Variants in FAM184A observed in about 807,000 individuals in gnomAD.
The protein encoded by FAM184A is protein FAM184A.
A neutral mutation model predicts 143.8 loss-of-function variants in FAM184A; 99 were observed. The observed-to-expected ratio is 0.69, with a 90% CI of 0.58 to 0.81. The LOEUF (loss-of-function observed/expected upper bound fraction) is 0.81. FAM184A is among the 40% of genes least tolerant of loss of function. The pLI is 0.00. For synonymous variants in FAM184A, 427 were observed against 446.4 expected (o/e 0.96, Z 0.55); for missense variants, 1,217 against 1,310.5 (o/e 0.93, Z 1.10).
rs772124829 is a variant in FAM184A at position 119,002,995 on chromosome 6, C to T, written c.1992G>A (p.Lys664=). 3 of 1,612,844 alleles carry T rather than the reference C, an allele frequency of 1.9e-6. No homozygotes were observed. The highest frequency in any genetic ancestry group is 2.5e-6 in the Non-Finnish European group (3 of 1,179,538). ...GCAAAAGTTGAGACATTGCTGACTTCTTATCCTCTTCATGTTGAAGCCTTA... is the reference window on the plus strand; with the variant it reads ...GCAAAAGTTGAGACATTGCTGACTTTTTATCCTCTTCATGTTGAAGCCTTA... ...EELRLQHEED[K]KSAMSQLLQL... is the part of the protein sequence containing the mutation. The change falls in exon 9 of 18, where the codon AAG becomes AAA. Residue 664 remains lysine (K), a synonymous_variant. Coordinates refer to ENST00000338891, the MANE Select transcript of FAM184A (RefSeq NM_024581.6).
chr6:119,016,669 G>A (rs1341482554), intron 5 of FAM184A, 78 bp downstream of exon 5: 2 of 1,285,456 alleles, frequency 1.6e-6, no homozygotes, highest in East Asian at 2.4e-5. Flanking sequence ...GTGAGACCAA[G>A]AACCCACCAA....
intron 1 of FAM184A, among the ~76,000 whole-genome samples, chr6:119,050,439 A>G (rs1470370953): frequency 2.1e-5 from 3 of 142,240 alleles, no homozygotes; most frequent in Non-Finnish European, 4.5e-5. Context: ...AGTGCCCATT[A>G]ATGACAGATT....
At chr6:119,142,119 C>T (rs1279577597) in intron 1 of FAM184A, among the ~76,000 whole-genome samples, 1 of 152,192 alleles carries the variant, frequency 6.6e-6, no homozygotes, top group Non-Finnish European at 1.5e-5. Flanking sequence ...CCCATCCCTG[C>T]TCCCAGCAAA....
intron 1 of FAM184A, among the ~76,000 whole-genome samples, chr6:119,107,431 A>G (rs1788814685): frequency 6.6e-6 from 1 of 152,328 alleles, no homozygotes; most frequent in African/African-American, 2.4e-5. Context: ...AGGAGCTTTT[A>G]TTAGCAAAAA....
intron 9 of FAM184A, among the ~76,000 whole-genome samples, chr6:118,988,041 A>C (rs1348481863): frequency 6.6e-6 from 1 of 152,220 alleles, no homozygotes; most frequent in African/African-American, 2.4e-5. Flanking sequence ...AAAGTGCAAC[A>C]TGCCCTTGTG....
At chr6:118,993,183 T>G (rs1402844145) in intron 9 of FAM184A, among the ~76,000 whole-genome samples, 1 of 152,226 alleles carries the variant, frequency 6.6e-6, no homozygotes, top group Non-Finnish European at 1.5e-5. Flanking sequence ...TTTTTGAGAT[T>G]CATGAAAAGA....
intron 1 of FAM184A, among the ~76,000 whole-genome samples, chr6:119,070,235 G>T (rs983231314): frequency 2.0e-5 from 3 of 152,122 alleles, no homozygotes; most frequent in African/African-American, 7.2e-5. Flanking sequence ...CATTCTCGTT[G>T]AAGTTTTGGT....
Position 119,016,657 on chromosome 6 carries a change from CAGTG to C in FAM184A, c.1530+86_1530+89del, listed in dbSNP as rs1170767424. On this transcript the variant is annotated intron_variant, in intron 5 of 17. Coordinates refer to ENST00000338891, the MANE Select transcript of FAM184A (RefSeq NM_024581.6). The stretch of plus-strand genomic sequence containing the variant: ...GGGTCCGTGGGTTTATTCTTGAAGT[CAGTG>C]AGACCAAGAACCCACCAATTCCGGA... 3 of 1,120,444 alleles carry C rather than the reference CAGTG, an allele frequency of 2.7e-6. No homozygotes were observed. The Admixed American group carries it at 5.9e-5, about 22-fold the overall frequency. The allele number at this position is 1,120,444 out of a possible 1,614,324, so 69.4% of individuals were successfully genotyped here.
At chr6:118,985,474 C>T (rs943195352) in intron 9 of FAM184A, among the ~76,000 whole-genome samples, 1 of 152,158 alleles carries the variant, frequency 6.6e-6, no homozygotes, top group Non-Finnish European at 1.5e-5. Context: ...GAGGGGCCAG[C>T]CAGTTTGTGT....
At chr6:119,148,227 G>A (rs1398779111) in intron 1 of FAM184A, among the ~76,000 whole-genome samples, 1 of 152,144 alleles carries the variant, frequency 6.6e-6, no homozygotes, top group Admixed American at 6.5e-5. Flanking sequence ...GCCCAGGCAG[G>A]GCTTGGCTGG....
chr6:119,020,256 G>T, intron 3 of FAM184A, 97 bp from the exon 4 acceptor site: 2 of 951,544 alleles, frequency 2.1e-6, no homozygotes, highest in Admixed American at 3.8e-5. Flanking sequence ...TTATACTTAA[G>T]TAAAATAAAT....
At chr6:118,976,659 A>C (rs979051367) in intron 11 of FAM184A, among the ~76,000 whole-genome samples, 2 of 143,520 alleles carry the variant, frequency 1.4e-5, no homozygotes, top group Non-Finnish European at 3.2e-5. Context: ...GTGAGACTCC[A>C]TCTCAAAAAA....
In FAM184A at chr6:119,084,157, C is replaced by T. The variant is rs147838819; in HGVS notation, c.-201-59344G>A. Among the ~76,000 whole-genome samples, 126 of 152,200 alleles carry T rather than the reference C, an allele frequency of 8.3e-4. 1 individual carries two copies. Among genetic ancestry groups the T allele is most frequent in the Non-Finnish European group, 1.2e-3 (83 of 68,008 alleles). On this transcript the variant is annotated intron_variant, in intron 1 of 16. Coordinates refer to the FAM184A transcript ENST00000352896. Reference sequence around the variant, plus strand: ...CCATCAGATCTCATGAGAACTCACTCGCTATCATGAGAATAGCATGGGAGA... The same window carrying T: ...CCATCAGATCTCATGAGAACTCACTTGCTATCATGAGAATAGCATGGGAGA...
At chr6:119,069,047 A>T (rs1787582739) in intron 1 of FAM184A, 1 of 389,430 alleles carries the variant, frequency 2.6e-6, no homozygotes, top group African/African-American at 2.2e-5. Context: ...AATATATGTG[A>T]AGTATTAGGT....
At chr6:119,040,399 T>G (rs770826010) in intron 1 of FAM184A, among the ~76,000 whole-genome samples, 2 of 152,192 alleles carry the variant, frequency 1.3e-5, no homozygotes, top group Admixed American at 6.5e-5. Flanking sequence ...GCTTTTCCTC[T>G]CTTTCCTGCT....
chr6:119,059,464 T>A, intron 1 of FAM184A, among the ~76,000 whole-genome samples: 1 of 152,224 alleles, frequency 6.6e-6, no homozygotes, highest in East Asian at 1.9e-4. Context: ...ATAATAAACA[T>A]CCACTATTAA....
intron 1 of FAM184A, among the ~76,000 whole-genome samples, chr6:119,070,902 A>AT (rs1287499546): frequency 2.2e-5 from 3 of 137,206 alleles, no homozygotes; most frequent in African/African-American, 7.9e-5. Flanking sequence ...GCTTATGAAG[A>AT]TTTTCTTTAA....
At chr6:119,102,813 GA>G (rs925775680) in intron 1 of FAM184A, among the ~76,000 whole-genome samples, 5 of 116,216 alleles carry the variant, frequency 4.3e-5, no homozygotes, top group South Asian at 2.8e-4. Flanking sequence ...AAAAAGAAAA[GA>G]AAAAAGAAAA....
intron 1 of FAM184A, among the ~76,000 whole-genome samples, chr6:119,034,848 T>C (rs1786051405): frequency 6.6e-6 from 1 of 152,254 alleles, no homozygotes; most frequent in South Asian, 2.1e-4. Flanking sequence ...GCTAAACTAG[T>C]GTTCTTCTTC....
Sources: gnomAD v4.1 joint callset for allele counts (sites outside exome capture counted in the v4.1 genomes callset) on GRCh38, gnomAD v4.1.1 for gene constraint, MANE v1.5 for transcripts, NCBI Gene and HGNC (gene_info 2026-07-23, HGNC 2026-07-21) for gene names.